Variants in GRM1 observed in about 807,000 individuals in gnomAD.
GRM1 encodes glutamate metabotropic receptor 1, also known as metabotropic glutamate receptor 1.
Under a neutral mutation model 90.9 loss-of-function variants are expected in GRM1, and 33 were observed. That is an observed-to-expected ratio of 0.36 (90% CI 0.28 to 0.49). The LOEUF is 0.49. Among genes scored for constraint, GRM1 ranks in the 20% least tolerant of loss-of-function variants. The pLI, the probability that GRM1 is intolerant of heterozygous loss-of-function variation, is 0.99. For missense variants in GRM1, 1,190 were observed against 1,534.3 expected (o/e 0.78, Z 3.75); for synonymous variants, 700 against 613.2 (o/e 1.14, Z -2.09).
Position 146,391,051 on chromosome 6 carries a change from T to C in GRM1, c.1729+4035T>C, listed in dbSNP as rs576707659. Among the ~76,000 whole-genome samples the C allele has an allele frequency of 9.9e-5, 15 of 152,246 alleles. No individual in the cohort carries two copies. The East Asian group carries it at 2.7e-3, about 27-fold the overall frequency. ...ATTTTGATGAAGGTTTATATGATCATGATGTAGTATTGCAAATGTTATGAA... is the reference window on the plus strand; with the variant it reads ...ATTTTGATGAAGGTTTATATGATCACGATGTAGTATTGCAAATGTTATGAA... On this transcript the variant is annotated intron_variant, in intron 6 of 7. Coordinates refer to ENST00000282753, the MANE Select transcript of GRM1 (RefSeq NM_001278064.2).
chr6:146,226,786 C>T (rs1280645065), intron 2 of GRM1, among the ~76,000 whole-genome samples: 1 of 152,080 alleles, frequency 6.6e-6, no homozygotes, highest in Admixed American at 6.6e-5. Context: ...AATATGGGCA[C>T]CTGTGATTCT....
At chr6:146,238,023 C>A (rs1780714048) in intron 2 of GRM1, among the ~76,000 whole-genome samples, 1 of 152,232 alleles carries the variant, frequency 6.6e-6, no homozygotes, top group Admixed American at 6.5e-5. Context: ...AACTAATGGG[C>A]ACTATGAGCC....
intron 1 of GRM1, among the ~76,000 whole-genome samples, chr6:146,085,602 C>G (rs1469656117): frequency 1.3e-5 from 2 of 151,720 alleles, no homozygotes; most frequent in African/African-American, 4.8e-5. Flanking sequence ...CTTCTCAGTG[C>G]TTTTTAATTT....
chr6:146,158,137 G>T (rs1311569249), intron 1 of GRM1, among the ~76,000 whole-genome samples: 1 of 152,090 alleles, frequency 6.6e-6, no homozygotes. Flanking sequence ...GTCTTTTTTA[G>T]CCATATTTAG....
At chr6:146,318,298 G>T (rs1035502567) in intron 3 of GRM1, among the ~76,000 whole-genome samples, 5 of 152,074 alleles carry the variant, frequency 3.3e-5, no homozygotes, top group Non-Finnish European at 7.4e-5. Context: ...ATGGTTTCCA[G>T]CTTCATCCAT....
intron 2 of GRM1, among the ~76,000 whole-genome samples, chr6:146,202,826 G>A (rs1262219313): frequency 5.9e-5 from 9 of 152,166 alleles, no homozygotes; most frequent in Non-Finnish European, 1.5e-5. Context: ...TTAAAAATTA[G>A]TCGAAGGCTC....
At chr6:146,247,767 G>T (rs1457267452) in intron 2 of GRM1, among the ~76,000 whole-genome samples, 1 of 135,002 alleles carries the variant, frequency 7.4e-6, no homozygotes. Context: ...AAAAAAAAAA[G>T]GAAATGTGTG....
In GRM1 at chr6:146,434,265, G is replaced by A; in HGVS notation, c.3054G>A (p.Gln1018=). 2 of 1,590,512 alleles carry A rather than the reference G, an allele frequency of 1.3e-6. No individual in the cohort carries two copies. Among genetic ancestry groups the A allele is most frequent in the Non-Finnish European group, 1.7e-6 (2 of 1,164,458 alleles). ...CCAAGGGCTTGCCCCCTCCTCTCCA[G>A]CAGCAGCAGCAACCCCCTCCACAGC... ...ALPKGLPPPL[Q]QQQQPPPQQK... Residue 1018 remains glutamine, a synonymous_variant, in exon 8 of 8, where the codon CAG becomes CAA. Coordinates refer to ENST00000282753, the MANE Select transcript of GRM1 (RefSeq NM_001278064.2).
intron 2 of GRM1, among the ~76,000 whole-genome samples, chr6:146,204,604 T>A (rs1779431179): frequency 6.6e-6 from 1 of 152,234 alleles, no homozygotes; most frequent in South Asian, 2.1e-4. Flanking sequence ...GAACTTCATT[T>A]TTAAATAAAT....
chr6:146,048,576 AT>A (rs1791417492), intron 1 of GRM1, among the ~76,000 whole-genome samples: 1 of 152,008 alleles, frequency 6.6e-6, no homozygotes, highest in Non-Finnish European at 1.5e-5. Context: ...AATACCTGAT[AT>A]CTCATAATAT....
chr6:146,295,346 C>T (rs1254822186), intron 2 of GRM1, among the ~76,000 whole-genome samples: 1 of 151,892 alleles, frequency 6.6e-6, no homozygotes, highest in Non-Finnish European at 1.5e-5. Flanking sequence ...GCCTCAGCCT[C>T]CCAAGCAGCT....
intron 1 of GRM1, among the ~76,000 whole-genome samples, chr6:146,042,860 A>T (rs1791166800): frequency 6.6e-6 from 1 of 151,966 alleles, no homozygotes; most frequent in Non-Finnish European, 1.5e-5. Flanking sequence ...TCTTTCTTTA[A>T]TTTACTACAA....
At chr6:146,323,930 T>C (rs957493178) in intron 3 of GRM1, among the ~76,000 whole-genome samples, 1 of 152,242 alleles carries the variant, frequency 6.6e-6, no homozygotes, top group Non-Finnish European at 1.5e-5. Flanking sequence ...CTGAGGGCTC[T>C]GTTCTGTTCC....
chr6:146,122,839 C>CTTTTTTTTTTTTTTTTTTTTTTT (rs57859188), intron 1 of GRM1, among the ~76,000 whole-genome samples: 25 of 62,202 alleles, frequency 4.0e-4, no homozygotes, highest in Non-Finnish European at 5.2e-4. Flanking sequence ...TCTTTTCTTT[C>CTTTTTTTTTTTTTTTTTTTTTTT]TTTTTTTTTT....
intron 3 of GRM1, among the ~76,000 whole-genome samples, chr6:146,350,468 G>GTT (rs3840131): frequency 1.3e-5 from 2 of 148,574 alleles, no homozygotes; most frequent in African/African-American, 4.9e-5. Context: ...CAATTTTTGT[G>GTT]TTTTTTTTTT....
intron 2 of GRM1, among the ~76,000 whole-genome samples, chr6:146,276,462 C>A (rs1782364255): frequency 6.6e-6 from 1 of 152,106 alleles, no homozygotes; most frequent in Non-Finnish European, 1.5e-5. Context: ...GGAATTCTAT[C>A]CTTCCAGTTG....
intron 7 of GRM1, among the ~76,000 whole-genome samples, chr6:146,422,818 G>A (rs1326215210): frequency 6.6e-6 from 1 of 152,114 alleles, no homozygotes; most frequent in Non-Finnish European, 1.5e-5. Context: ...TATCAAGGAA[G>A]ACTATTTGGA....
intron 2 of GRM1, among the ~76,000 whole-genome samples, chr6:146,217,229 C>G (rs1779904096): frequency 6.6e-6 from 1 of 152,158 alleles, no homozygotes; most frequent in Admixed American, 6.5e-5. Context: ...TTATGACACA[C>G]AGAATACCTA....
chr6:146,269,335 C>T (rs905966719), intron 2 of GRM1, among the ~76,000 whole-genome samples: 1 of 152,180 alleles, frequency 6.6e-6, no homozygotes, highest in Non-Finnish European at 1.5e-5. Context: ...TATATTTACA[C>T]TTCCTTTTAT....
Sources: gnomAD v4.1 joint callset for allele counts (sites outside exome capture counted in the v4.1 genomes callset) on GRCh38, gnomAD v4.1.1 for gene constraint, MANE v1.5 for transcripts, NCBI Gene and HGNC (gene_info 2026-07-23, HGNC 2026-07-21) for gene names.